Variants in LIG3 observed in about 807,000 individuals in gnomAD.
LIG3 encodes the protein DNA ligase 3, also known as ligase II, DNA, ATP-dependent.
LIG3 carries 58 observed loss-of-function variants against 110.9 expected under a neutral mutation model. The ratio of observed to expected loss-of-function variants is 0.52; its 90% CI spans 0.42 to 0.65. The LOEUF (loss-of-function observed/expected upper bound fraction) is 0.65. Ranked by LOEUF, LIG3 falls within the 30% of genes least tolerant of loss-of-function variation. The pLI, the probability that LIG3 is intolerant of heterozygous loss-of-function variation, is 0.00. For synonymous variants in LIG3, 422 were observed against 472.8 expected, an observed-to-expected ratio of 0.89 and a Z score of 1.39; for missense variants, 1,094 against 1,273.8, an observed-to-expected ratio of 0.86 and a Z score of 2.15.
intron 12 of LIG3, 191 bp from the exon 13 acceptor site, chr17:34,998,028 C>T (rs936363424): frequency 1.5e-6 from 1 of 647,078 alleles, no homozygotes; most frequent in African/African-American, 1.8e-5. Flanking sequence ...GGTAAGCCTC[C>T]TGTGTTTCAA....
intron 11 of LIG3, 97 bp downstream of exon 11, chr17:34,996,750 A>T: frequency 9.7e-7 from 1 of 1,034,494 alleles, no homozygotes; most frequent in East Asian, 2.4e-5. Context: ...AAAGGAGGGT[A>T]CAGGGAACCA....
chr17:35,000,145 G>A lies in LIG3; in HGVS notation c.2331+289G>A, dbSNP rs576594411. Among the ~76,000 whole-genome samples the A allele has an allele frequency of 5.9e-5, 9 of 152,314 alleles. No individual in the cohort carries two copies. The East Asian group carries it at 1.5e-3, about 26-fold the overall frequency. On this transcript the variant is annotated intron_variant, in intron 16 of 19. Coordinates refer to ENST00000378526, the MANE Select transcript of LIG3 (RefSeq NM_013975.4). ...ATCTGGCCCAATCCCTTCTTGTACC[G>A]ACCAAGAAAGAGATCTAGAGAACAA...
chr17:35,005,218 A>G lies in LIG3; in HGVS notation c.*712A>G, dbSNP rs1375789511. ...GGGCTCCAGGAAGATCTGCATCCCC[A>G]AAACCTGGAAACAAGACTGTTCTTT... On this transcript the variant is annotated 3_prime_UTR_variant, in exon 20 of 20. Coordinates refer to ENST00000378526, the MANE Select transcript of LIG3 (RefSeq NM_013975.4). 1 of 448,080 alleles carries G rather than the reference A, an allele frequency of 2.2e-6. No homozygotes were observed. The highest frequency in any genetic ancestry group is 4.5e-6 in the Non-Finnish European group (1 of 221,558). The allele number at this position is 448,080 out of a possible 1,614,324, so 27.8% of individuals were successfully genotyped here. A position where few individuals can be genotyped will look rare whatever the true frequency, so the allele number is the denominator to read the frequency against.
intron 3 of LIG3, among the ~76,000 whole-genome samples, chr17:34,987,316 C>T (rs1030602781): frequency 6.6e-6 from 1 of 152,172 alleles, no homozygotes. Context: ...CTTCAGTTAA[C>T]CCTAGACAGT....
At position 34,997,806 on chromosome 17, in the gene LIG3, C is replaced by T. The variant is rs2090795019; in HGVS notation, c.1892C>T (p.Ser631Leu). The T allele has an allele frequency of 6.2e-7, 1 of 1,614,024 alleles. No individual in the cohort carries two copies. The highest frequency in any genetic ancestry group is 8.5e-7 in the Non-Finnish European group (1 of 1,179,882). ...MVEIPNRIMF[S>L]EMKRVTKALD... is the part of the protein sequence containing the mutation. ...GAAATTCCAAACCGGATCATGTTCT[C>T]AGAAATGAAGCGAGTCACAGTAAGT... The change falls in exon 12 of 20, where the codon TCA becomes TTA. Residue 631 changes from serine to leucine, a missense_variant. By Grantham distance (145) the Ser-to-Leu change is moderately radical. Transcript: ENST00000378526.
chr17:34,996,835 T>C (rs988050450), intron 11 of LIG3, among the ~76,000 whole-genome samples, 182 bp downstream of exon 11: 10 of 152,194 alleles, frequency 6.6e-5, no homozygotes, highest in African/African-American at 2.4e-4. Flanking sequence ...GCACAATTGC[T>C]ACATGATCAG....
chr17:34,990,882 C>T (rs1338605950), intron 4 of LIG3, 81 bp from the exon 5 acceptor site: 8 of 1,403,684 alleles, frequency 5.7e-6, no homozygotes, highest in African/African-American at 1.4e-5. Context: ...CAGGTGTGAG[C>T]CACCTTGCCC....
Position 35,002,063 on chromosome 17 carries a change from A to G in LIG3, c.2633A>G (p.Lys878Arg). The G allele has an allele frequency of 6.3e-7, 1 of 1,596,724 alleles. No homozygotes were observed. The highest frequency in any genetic ancestry group is 2.2e-5 in the East Asian group (1 of 44,556). ...KAPSKPSAST[K>R]KAEGKLSNSN... ...CCCAGCAAGCCCTCAGCCAGTACCAAGAAAGCAGAAGGGAAGCTGAGTAAC... is the reference window on the plus strand; with the variant it reads ...CCCAGCAAGCCCTCAGCCAGTACCAGGAAAGCAGAAGGGAAGCTGAGTAAC... Residue 878 changes from lysine to arginine, a missense_variant, in exon 18 of 20, where the codon AAG (lysine) becomes AGG (arginine). By Grantham distance (26) the Lys-to-Arg change is conservative (BLOSUM62 2). Transcript: ENST00000378526.
At chr17:35,003,198 G>C in intron 19 of LIG3, 1 of 1,486,936 alleles carries the variant, frequency 6.7e-7, no homozygotes, top group Non-Finnish European at 9.0e-7. Context: ...AGCAAGCAGC[G>C]AGTCGGGGAG....
intron 1 of LIG3, 85 bp downstream of exon 1, chr17:34,980,707 C>G: frequency 1.2e-6 from 1 of 816,294 alleles, no homozygotes; most frequent in Non-Finnish European, 1.5e-6. Flanking sequence ...TCGGCGCGGC[C>G]GGGGAGCCAG....
intron 9 of LIG3, among the ~76,000 whole-genome samples, chr17:34,995,501 T>G (rs1232321955): frequency 2.6e-5 from 4 of 152,168 alleles, no homozygotes; most frequent in Non-Finnish European, 5.9e-5. Context: ...CTTAAAGGGC[T>G]AGGTTAGGGA....
chr17:34,983,602 G>C, intron 2 of LIG3, 50 bp downstream of exon 2: 3 of 1,511,386 alleles, frequency 2.0e-6, no homozygotes, highest in Non-Finnish European at 1.8e-6. Flanking sequence ...GAGAGAAAAA[G>C]GGATAAGGAG....
chr17:34,991,102 G>A lies in LIG3; in HGVS notation c.1029G>A (p.Arg343=). 1 of 1,614,116 alleles carries A rather than the reference G, an allele frequency of 6.2e-7. No homozygotes were observed. The highest frequency in any genetic ancestry group is 8.5e-7 in the Non-Finnish European group (1 of 1,180,036). Residue 343 remains arginine, a synonymous_variant, in exon 5 of 20, where the codon CGG becomes CGA. Transcript: ENST00000378526. ...IFNCNPDDMA[R]DLEQGDVSET... Reference sequence around the variant, plus strand: ...ACTGCAACCCAGATGATATGGCACGGGACCTAGAGCAGGTCAGAGGAACGG... The same window carrying A: ...ACTGCAACCCAGATGATATGGCACGAGACCTAGAGCAGGTCAGAGGAACGG...
chr17:34,983,522 G>C lies in LIG3; in HGVS notation c.517G>C (p.Glu173Gln), dbSNP rs776731503. 1 of 1,613,616 alleles carries C rather than the reference G, an allele frequency of 6.2e-7. No individual in the cohort carries two copies. The highest frequency in any genetic ancestry group is 1.3e-5 in the African/African-American group (1 of 74,906). ...AGGCTGGGAAGAGCTGGAAGATAAT[G>C]AGAAGGAACAGATAACCCAGCACAT... ...LEGWEELEDN[E>Q]KEQITQHIAD... Residue 173 changes from glutamate to glutamine, a missense_variant, in exon 2 of 20, where the codon GAG (glutamate) becomes CAG (glutamine). By Grantham distance (29) the Glu-to-Gln change is conservative. Coordinates refer to ENST00000378526, the MANE Select transcript of LIG3 (RefSeq NM_013975.4).
Position 35,001,948 on chromosome 17 carries a change from G to A in LIG3, c.2518G>A (p.Val840Ile), listed in dbSNP as rs576552351. The change falls in exon 18 of 20, where the codon GTA (valine) becomes ATA (isoleucine). Residue 840 changes from valine (V) to isoleucine (I), a missense_variant. Coordinates refer to ENST00000378526, the MANE Select transcript of LIG3 (RefSeq NM_013975.4). Reference protein sequence around the residue: ...QLSKEKADFTVVAGDEGSSTT... With the variant: ...QLSKEKADFTIVAGDEGSSTT... ...GTCCAAGGAGAAGGCAGACTTCACT[G>A]TAGTGGCTGGAGATGAGGGGAGCTC... The A allele has an allele frequency of 3.7e-6, 6 of 1,612,520 alleles. No individual in the cohort carries two copies. The South Asian group carries it at 4.4e-5, about 12-fold the overall frequency.
At chr17:34,994,541 T>C in intron 9 of LIG3, 110 bp downstream of exon 9, 1 of 1,120,794 alleles carries the variant, frequency 8.9e-7, no homozygotes. Flanking sequence ...TAAGGGTTTG[T>C]TTTTTATTTG....
chr17:34,991,438 T>G (rs2142254877), intron 5 of LIG3: 1 of 583,680 alleles, frequency 1.7e-6, no homozygotes, highest in Non-Finnish European at 3.0e-6. Flanking sequence ...TCCTATAACT[T>G]GGCTTTACCA....
chr17:34,981,529 C>T (rs1047342519), intron 1 of LIG3: 2 of 152,232 alleles, frequency 1.3e-5, no homozygotes, highest in African/African-American at 4.8e-5. Context: ...TTCATGGATT[C>T]CTTGTAATTT....
At chr17:34,994,247 T>A in intron 8 of LIG3, 29 bp from the exon 9 acceptor site, 1 of 1,601,006 alleles carries the variant, frequency 6.2e-7, no homozygotes. Flanking sequence ...TCATTGAAAG[T>A]CTCCAGGCTT....
Sources: allele counts gnomAD v4.1 joint callset (sites outside exome capture counted in the v4.1 genomes callset), GRCh38; gene constraint gnomAD v4.1.1; transcripts MANE v1.5; gene names NCBI Gene and HGNC (gene_info 2026-07-23, HGNC 2026-07-21).